Variants in IGFBPL1 observed in about 807,000 individuals in gnomAD.
IGFBPL1 encodes the protein insulin-like growth factor-binding protein-like 1.
A neutral mutation model predicts 23.9 loss-of-function variants in IGFBPL1; 20 were observed. The ratio of observed to expected loss-of-function variants is 0.84; its 90% CI spans 0.59 to 1.22. The LOEUF (loss-of-function observed/expected upper bound fraction) is 1.22. IGFBPL1 is among the 50% of genes most tolerant of loss of function. The pLI is 0.00. For synonymous variants in IGFBPL1, 184 were observed against 171.8 expected, an observed-to-expected ratio of 1.07 and a Z score of -0.56; for missense variants, 436 against 379.3, an observed-to-expected ratio of 1.15 and a Z score of -1.24.
At chr9:38,421,679 G>A (rs964727467) in intron 1 of IGFBPL1, among the ~76,000 whole-genome samples, 1 of 152,098 alleles carries the variant, frequency 6.6e-6, no homozygotes, top group African/African-American at 2.4e-5. Flanking sequence ...AAACGCTCCC[G>A]CTGTGTCTTG....
intron 1 of IGFBPL1, among the ~76,000 whole-genome samples, chr9:38,415,064 G>A (rs893981526): frequency 3.3e-5 from 5 of 152,204 alleles, no homozygotes; most frequent in African/African-American, 4.8e-5. Context: ...GTTGGGCAAC[G>A]TGCAGTGTAG....
Position 38,408,700 on chromosome 9 carries a change from G to T in IGFBPL1, c.*527C>A, listed in dbSNP as rs1456748053. Among the ~76,000 whole-genome samples the T allele has an allele frequency of 2.0e-5, 3 of 152,164 alleles. No individual in the cohort carries two copies. The highest frequency in any genetic ancestry group is 7.2e-5 in the African/African-American group (3 of 41,432). On this transcript the variant is annotated 3_prime_UTR_variant, in exon 5 of 5. Coordinates refer to ENST00000377694, the MANE Select transcript of IGFBPL1 (RefSeq NM_001007563.3). ...CCAAAAGGCCATCTTAATCTAGGATGGCAGGGCTAAAAGGGACATTGATAA... is the reference window on the plus strand; with the variant it reads ...CCAAAAGGCCATCTTAATCTAGGATTGCAGGGCTAAAAGGGACATTGATAA...
intron 3 of IGFBPL1, among the ~76,000 whole-genome samples, chr9:38,412,238 G>A (rs914753584): frequency 3.3e-5 from 5 of 152,176 alleles, no homozygotes; most frequent in Admixed American, 6.5e-5. Context: ...ACATCAGCTC[G>A]TTTTAAACTC....
rs1821462083 is a variant in IGFBPL1, at chr9:38,408,356, A to C, written c.*871T>G. Among the ~76,000 whole-genome samples the C allele has an allele frequency of 6.6e-6, 1 of 151,816 alleles. No homozygotes were observed. The highest frequency in any genetic ancestry group is 1.5e-5 in the Non-Finnish European group (1 of 67,948). Reference sequence around the variant, plus strand: ...GGTGGAACGATCACTCGAGCCCAGAAAGTGGAGGTTGCAGTGAGCCATGAT... The same window carrying C: ...GGTGGAACGATCACTCGAGCCCAGACAGTGGAGGTTGCAGTGAGCCATGAT... On this transcript the variant is annotated 3_prime_UTR_variant, in exon 5 of 5. Transcript: ENST00000377694.
intron 1 of IGFBPL1, among the ~76,000 whole-genome samples, chr9:38,419,198 AT>A (rs1821639816): frequency 2.0e-5 from 3 of 152,134 alleles, no homozygotes; most frequent in Admixed American, 2.0e-4. Flanking sequence ...AAGAAAGGAT[AT>A]CAAGTCATTC....
chr9:38,424,061 A>G lies in IGFBPL1; in HGVS notation c.364T>C (p.Tyr122His). ...GTVCGSDGRS[Y>H]PSVCALRLRA... ...AGGCGCAGCGCGCAGACGCTGGGGT[A>G]CGAGCGACCGTCGGAGCCGCAGACG... The change falls in exon 1 of 5, where the codon TAC becomes CAC. Residue 122 changes from tyrosine to histidine, a missense_variant. Transcript: ENST00000377694. 1.4e-6 allele frequency: 2 copies of G among 1,400,702 alleles called. No individual in the cohort carries two copies. The highest frequency in any genetic ancestry group is 1.6e-5 in the South Asian group (1 of 64,456). The allele number at this position is 1,400,702 out of a possible 1,614,324, so 86.8% of individuals were successfully genotyped here.
intron 1 of IGFBPL1, among the ~76,000 whole-genome samples, chr9:38,416,270 T>C (rs1412367950): frequency 2.0e-5 from 3 of 152,222 alleles, no homozygotes; most frequent in Non-Finnish European, 4.4e-5. Flanking sequence ...TTAAATGTGA[T>C]TTCATCAATC....
chr9:38,424,008 G>A lies in IGFBPL1; in HGVS notation c.417C>T (p.His139=), dbSNP rs1443471966. 7.1e-7 allele frequency: 1 copy of A among 1,410,434 alleles called. No individual in the cohort carries two copies. Among genetic ancestry groups the A allele is most frequent in the Non-Finnish European group, 9.2e-7 (1 of 1,092,678 alleles). 87.4% of individuals were successfully genotyped at this position (1,410,434 alleles called of 1,614,324 possible). Residue 139 remains histidine, a synonymous_variant, in exon 1 of 5, where the codon CAC becomes CAT. Coordinates refer to ENST00000377694, the MANE Select transcript of IGFBPL1 (RefSeq NM_001007563.3). The part of the protein sequence containing the change: ...RLRARHTPRA[H]PGHLHKARDG... ...CGCGCGCCTTGTGCAGGTGACCGGG[G>A]TGCGCGCGGGGCGTGTGCCGAGCGC...
At chr9:38,413,698 T>C (rs572779492) in intron 2 of IGFBPL1, among the ~76,000 whole-genome samples, 1 of 152,264 alleles carries the variant, frequency 6.6e-6, no homozygotes, top group East Asian at 1.9e-4. Context: ...GATTTGGTTT[T>C]GGAATAGGAC....
chr9:38,411,939 C>T (rs1821518889), intron 3 of IGFBPL1, among the ~76,000 whole-genome samples: 1 of 152,204 alleles, frequency 6.6e-6, no homozygotes, highest in Non-Finnish European at 1.5e-5. Context: ...CTACAAAATA[C>T]CACCAGAGAT....
chr9:38,415,927 G>A (rs138385188), intron 1 of IGFBPL1, among the ~76,000 whole-genome samples: 161 of 152,186 alleles, frequency 1.1e-3, no homozygotes, highest in African/African-American at 3.9e-3. Context: ...CCCATCTGAG[G>A]GCCCTCTGAA....
intron 1 of IGFBPL1, among the ~76,000 whole-genome samples, chr9:38,419,536 G>A (rs1163794683): frequency 6.6e-6 from 1 of 152,140 alleles, no homozygotes; most frequent in East Asian, 1.9e-4. Flanking sequence ...CAGGGTCTCA[G>A]GAGCTCACCG....
In IGFBPL1 at chr9:38,424,361, G is replaced by T; in HGVS notation, c.64C>A (p.Leu22Met). ...LLLLLPLLPPLSPSLGIRDVG... is the reference protein window; with the variant it reads ...LLLLLPLLPPMSPSLGIRDVG... ...TCGCGGATCCCAAGGCTCGGGGACA[G>T]CGGCGGCAGCAGCGGCAGCAGCAGC... is the stretch of plus-strand genomic sequence containing the variant. The change falls in exon 1 of 5, where the codon CTG (leucine) becomes ATG (methionine). Residue 22 changes from leucine to methionine, a missense_variant. Physicochemically the swap from Leu to Met is conservative, Grantham distance 15. Coordinates refer to ENST00000377694, the MANE Select transcript of IGFBPL1 (RefSeq NM_001007563.3). The T allele has an allele frequency of 1.3e-6, 1 of 765,308 alleles. No individual in the cohort carries two copies. The highest frequency in any genetic ancestry group is 2.1e-6 in the Non-Finnish European group (1 of 485,018). The allele number at this position is 765,308 out of a possible 1,614,324, so 47.4% of individuals were successfully genotyped here.
chr9:38,420,514 G>A (rs903802007), intron 1 of IGFBPL1, among the ~76,000 whole-genome samples: 7 of 152,238 alleles, frequency 4.6e-5, no homozygotes, highest in Non-Finnish European at 1.0e-4. Context: ...GGTTGCTAGC[G>A]GCTAGCTGTG....
At position 38,422,738 on chromosome 9, in the gene IGFBPL1, C is replaced by A. The variant is rs184386318; in HGVS notation, c.460+1227G>T. Reference sequence around the variant, plus strand: ...ACTTTCCTGTGCTCAACTGGCCACACACTGGTTTTACATTTCCCAGGACTG... The same window carrying A: ...ACTTTCCTGTGCTCAACTGGCCACAAACTGGTTTTACATTTCCCAGGACTG... On this transcript the variant is annotated intron_variant, in intron 1 of 4. Coordinates refer to ENST00000377694, the MANE Select transcript of IGFBPL1 (RefSeq NM_001007563.3). 7.2e-5 allele frequency among the ~76,000 whole-genome samples: 11 copies of A among 152,350 alleles called. 1 individual carries two copies. The highest frequency in any genetic ancestry group is 3.4e-3 in the Middle Eastern group (1 of 294).
At chr9:38,422,576 G>A (rs1460979149) in intron 1 of IGFBPL1, among the ~76,000 whole-genome samples, 1 of 152,194 alleles carries the variant, frequency 6.6e-6, no homozygotes, top group East Asian at 1.9e-4. Context: ...CCTCAACAAT[G>A]ACTCCACTGG....
At chr9:38,417,964 T>A (rs1821623359) in intron 1 of IGFBPL1, among the ~76,000 whole-genome samples, 1 of 152,164 alleles carries the variant, frequency 6.6e-6, no homozygotes, top group Admixed American at 6.5e-5. Context: ...GGAACCCCCC[T>A]GAAATCTAAG....
At position 38,411,385 on chromosome 9, in the gene IGFBPL1, A is replaced by T. The variant is rs1454132176; in HGVS notation, c.*9+6T>A. 1 of 1,610,616 alleles carries T rather than the reference A, an allele frequency of 6.2e-7. No homozygotes were observed. On this transcript the variant is annotated splice_donor_region_variant and intron_variant, in intron 4 of 4. Transcript: ENST00000377694. ...TAAAATACTGAAAATGACTTAGAAC[A>T]TGTACATTTCTCCATCACATGCGGT...
intron 3 of IGFBPL1, 138 bp downstream of exon 3, chr9:38,413,099 C>T (rs1047249953): frequency 1.9e-5 from 12 of 642,124 alleles, no homozygotes; most frequent in Non-Finnish European, 3.3e-5. Context: ...CTGAAACCTG[C>T]CCTGCCTGCC....
Sources: allele counts gnomAD v4.1 joint callset (sites outside exome capture counted in the v4.1 genomes callset), GRCh38; gene constraint gnomAD v4.1.1; transcripts MANE v1.5; gene names NCBI Gene and HGNC (gene_info 2026-07-23, HGNC 2026-07-21).